Variants in SLC35F6 observed in about 807,000 individuals in gnomAD.
SLC35F6 encodes the protein ANT2-binding protein.
In SLC35F6, 26 loss-of-function variants were observed where a neutral mutation model predicts 29.4. The observed-to-expected ratio is 0.89, with a 90% CI of 0.65 to 1.23. The LOEUF (loss-of-function observed/expected upper bound fraction) is 1.23, where lower values mean the gene tolerates loss of function less well. Among genes scored for constraint, SLC35F6 ranks in the 50% most tolerant of loss-of-function variants. The probability of loss-of-function intolerance (pLI) is 0.00; values close to 1 mark genes in which losing one functional copy is unlikely to be tolerated. For synonymous variants in SLC35F6, 174 were observed against 206.6 expected (o/e 0.84, Z 1.35); for missense variants, 428 against 487.8 (o/e 0.88, Z 1.15).
In SLC35F6 at chr2:26,776,439, C is replaced by G. The variant is rs780262515; in HGVS notation, c.603C>G (p.Val201=). The change falls in exon 5 of 6, where the codon GTC becomes GTG. Residue 201 remains valine, a synonymous_variant. Transcript: ENST00000344420. ...AIQMVLEEKF[V]YKHNVHPLRA... ...AGATGGTGCTAGAGGAGAAGTTCGT[C>G]TACAAACACAATGTGCACCCACTGC... 2.5e-6 allele frequency: 4 copies of G among 1,614,068 alleles called. No individual in the cohort carries two copies. In the East Asian group the frequency reaches 8.9e-5, roughly 36 times the overall value.
chr2:26,766,316 G>C (rs1005578360), intron 1 of SLC35F6, among the ~76,000 whole-genome samples: 13 of 152,370 alleles, frequency 8.5e-5, no homozygotes, highest in Admixed American at 2.0e-4. Flanking sequence ...TCACATTTCT[G>C]GCCCGGCGCG....
At chr2:26,777,224 T>G (rs1232687326) in intron 5 of SLC35F6, among the ~76,000 whole-genome samples, 1 of 152,136 alleles carries the variant, frequency 6.6e-6, no homozygotes, top group African/African-American at 2.4e-5. Flanking sequence ...GAGTGCAGTA[T>G]AGGTTTGATG....
At position 26,778,845 on chromosome 2, in the gene SLC35F6, T is replaced by C. The variant is rs77595890; in HGVS notation, c.*334T>C. On this transcript the variant is annotated 3_prime_UTR_variant, in exon 6 of 6. Coordinates refer to ENST00000344420, the MANE Select transcript of SLC35F6 (RefSeq NM_017877.4). The stretch of plus-strand genomic sequence containing the variant: ...TGTATCTGAATCATAAACTAGATTA[T>C]CATAGTTATCTAGTTTATGAGTCAT... 0.015 allele frequency: 4,628 copies of C among 307,542 alleles called. 225 individuals carry two copies. Among genetic ancestry groups the C allele is most frequent in the African/African-American group, 0.092 (4,347 of 47,116 alleles). The allele number at this position is 307,542 out of a possible 1,614,324, so 19.1% of individuals were successfully genotyped here.
In SLC35F6 at chr2:26,775,044, G is replaced by A; in HGVS notation, c.151G>A (p.Ala51Thr). ...EHSFQHPFLQ[A>T]VGMFLGEFSC... ...AGTCCTCGGGTTTTCATCCCTGCAG[G>A]CAGTGGGCATGTTCCTGGGAGAATT... Residue 51 changes from alanine to threonine, a missense_variant and splice_region_variant, in exon 3 of 6, where the codon GCA becomes ACA. By Grantham distance (58) the Ala-to-Thr change is moderately conservative. Transcript: ENST00000344420. This position sits in a 1 kb window ranked among gnomAD's most constrained non-coding sequence, Gnocchi z 4.6. 1 of 1,612,834 alleles carries A rather than the reference G, an allele frequency of 6.2e-7. No homozygotes were observed.
In SLC35F6 at chr2:26,778,743, G is replaced by A; in HGVS notation, c.*232G>A. The A allele has an allele frequency of 1.8e-6, 1 of 540,550 alleles. No individual in the cohort carries two copies. 33.5% of individuals were successfully genotyped at this position (540,550 alleles called of 1,614,324 possible). A position where few individuals can be genotyped will look rare whatever the true frequency, so the allele number is the denominator to read the frequency against. On this transcript the variant is annotated 3_prime_UTR_variant, in exon 6 of 6. Transcript: ENST00000344420. Reference sequence around the variant, plus strand: ...CCCCACAAGCCTGAGTGCAGTGGCAGACCTCAGCTCTCTGGACCCCTCCTA... The same window carrying A: ...CCCCACAAGCCTGAGTGCAGTGGCAAACCTCAGCTCTCTGGACCCCTCCTA...
chr2:26,768,473 T>C (rs1345666016), intron 1 of SLC35F6, among the ~76,000 whole-genome samples: 1 of 151,246 alleles, frequency 6.6e-6, no homozygotes, highest in Non-Finnish European at 1.5e-5. Context: ...CGCATTCTCA[T>C]GCCTCAGCCT....
chr2:26,765,802 C>G (rs1664087238), intron 1 of SLC35F6, among the ~76,000 whole-genome samples: 2 of 152,204 alleles, frequency 1.3e-5, no homozygotes, highest in African/African-American at 4.8e-5. Context: ...CATGCTGAAT[C>G]CTTAGCTGTT....
Position 26,778,218 on chromosome 2 carries a change from T to TTCTTCAAC in SLC35F6, c.825_832dup (p.Phe278SerfsTer13). ...GCTGGGCAACATCAGCAGCATTGCC[T>TTCTTCAAC]TCTTCAACTTCGCAGGCATCAGCGT... On this transcript the variant is annotated frameshift_variant, in exon 6 of 6. Transcript: ENST00000344420. LOFTEE classifies it high-confidence loss of function. The TTCTTCAAC allele has an allele frequency of 6.2e-7, 1 of 1,614,104 alleles. No individual in the cohort carries two copies. The highest frequency in any genetic ancestry group is 8.5e-7 in the Non-Finnish European group (1 of 1,179,998).
At chr2:26,777,322 C>T (rs1168266656) in intron 5 of SLC35F6, among the ~76,000 whole-genome samples, 1 of 152,144 alleles carries the variant, frequency 6.6e-6, no homozygotes, top group African/African-American at 2.4e-5. Flanking sequence ...CTTTAAATGA[C>T]GGAGGAATCA....
rs1464208555 is a variant in SLC35F6, at chr2:26,776,330, C to T, written c.536-42C>T. On this transcript the variant is annotated intron_variant, in intron 4 of 5. Coordinates refer to ENST00000344420, the MANE Select transcript of SLC35F6 (RefSeq NM_017877.4). ...GCCATGCTCTCCTGGCCCCCAGCCCCAGTGCAGCCCTGTTCTCATCTGGGT... is the reference window on the plus strand; with the variant it reads ...GCCATGCTCTCCTGGCCCCCAGCCCTAGTGCAGCCCTGTTCTCATCTGGGT... 5 of 1,589,692 alleles carry T rather than the reference C, an allele frequency of 3.1e-6. No homozygotes were observed. In the South Asian group the frequency reaches 4.4e-5, roughly 14 times the overall value.
rs769476161 is a variant in SLC35F6, at chr2:26,775,026, G to A, written c.151-18G>A. ...GATCCCTTCCAGCTCTGAAGTCCTC[G>A]GGTTTTCATCCCTGCAGGCAGTGGG... On this transcript the variant is annotated intron_variant, in intron 2 of 5. Transcript: ENST00000344420. The surrounding 1 kb of genome is among the most constrained non-coding windows in gnomAD (Gnocchi z 4.6). 21 of 1,602,664 alleles carry A rather than the reference G, an allele frequency of 1.3e-5. No individual in the cohort carries two copies. The highest frequency in any genetic ancestry group is 2.2e-5 in the East Asian group (1 of 44,554).
At position 26,778,412 on chromosome 2, in the gene SLC35F6, G is replaced by A. The variant is rs1445265310; in HGVS notation, c.1017G>A (p.Pro339=). 6.8e-6 allele frequency: 11 copies of A among 1,613,954 alleles called. No homozygotes were observed. The highest frequency in any genetic ancestry group is 3.3e-5 in the Admixed American group (2 of 59,996). Residue 339 remains proline (P), a synonymous_variant, in exon 6 of 6, where the codon CCG becomes CCA. Transcript: ENST00000344420. ...CCCTCTACAATGGGCTACACCGTCC[G>A]CTGCTGGGCCGCCTGTCCAGGGGCC... ...GTALYNGLHR[P]LLGRLSRGRP... is the part of the protein sequence containing the mutation.
chr2:26,774,444 G>A (rs1332161749), intron 2 of SLC35F6, 121 bp downstream of exon 2: 3 of 1,050,460 alleles, frequency 2.9e-6, no homozygotes, highest in East Asian at 5.1e-5. Flanking sequence ...TCCCAGAAGA[G>A]CCATCCACTT....
intron 4 of SLC35F6, among the ~76,000 whole-genome samples, chr2:26,776,105 C>G (rs1664295510): frequency 6.6e-6 from 1 of 152,214 alleles, no homozygotes; most frequent in South Asian, 2.1e-4. Context: ...ATGTCTATCT[C>G]AAAGCCTGTT....
intron 2 of SLC35F6, 149 bp from the exon 3 acceptor site, chr2:26,774,895 C>A: frequency 1.1e-6 from 1 of 944,118 alleles, no homozygotes; most frequent in Non-Finnish European, 1.5e-6. Context: ...CTGTCTCTAG[C>A]CTCCATGGCA....
intron 1 of SLC35F6, among the ~76,000 whole-genome samples, chr2:26,764,627 G>A (rs1664061713): frequency 6.6e-6 from 1 of 152,248 alleles, no homozygotes; most frequent in Admixed American, 6.5e-5. Context: ...GGGGATCCGA[G>A]CCCCGGCTTT....
Position 26,775,375 on chromosome 2 carries a change from G to C in SLC35F6, c.323-89G>C. On this transcript the variant is annotated intron_variant, in intron 3 of 5. Coordinates refer to ENST00000344420, the MANE Select transcript of SLC35F6 (RefSeq NM_017877.4). The surrounding 1 kb of genome is among the most constrained non-coding windows in gnomAD (Gnocchi z 4.6). Reference sequence around the variant, plus strand: ...GCAGGACTGATCGAGCGCTTACTATGAGCTTGGCATGTCTATCACCAAAGA... The same window carrying C: ...GCAGGACTGATCGAGCGCTTACTATCAGCTTGGCATGTCTATCACCAAAGA... 6.5e-7 allele frequency: 1 copy of C among 1,538,110 alleles called. No homozygotes were observed. Among genetic ancestry groups the C allele is most frequent in the Non-Finnish European group, 8.8e-7 (1 of 1,137,746 alleles).
rs2148052970 is a variant in SLC35F6, at chr2:26,764,313, G to A, written c.-37G>A. Reference sequence around the variant, plus strand: ...AGGAGACCCCGGGTGACGGGGCCCGGCGCCGCTAACTGGAGCGAACCCCAG... The same window carrying A: ...AGGAGACCCCGGGTGACGGGGCCCGACGCCGCTAACTGGAGCGAACCCCAG... On this transcript the variant is annotated 5_prime_UTR_variant, in exon 1 of 6. Transcript: ENST00000344420. 1 of 1,547,002 alleles carries A rather than the reference G, an allele frequency of 6.5e-7. No individual in the cohort carries two copies. The highest frequency in any genetic ancestry group is 8.7e-7 in the Non-Finnish European group (1 of 1,145,346).
At chr2:26,765,313 G>A (rs1340776709) in intron 1 of SLC35F6, among the ~76,000 whole-genome samples, 1 of 152,184 alleles carries the variant, frequency 6.6e-6, no homozygotes, top group Non-Finnish European at 1.5e-5. Context: ...GGCCAGTTCA[G>A]CTCTGATGTA....
Sources: allele counts gnomAD v4.1 joint callset (sites outside exome capture counted in the v4.1 genomes callset), GRCh38; gene constraint gnomAD v4.1.1; non-coding constraint Gnocchi (gnomAD v3.1); transcripts MANE v1.5; gene names NCBI Gene and HGNC (gene_info 2026-07-23, HGNC 2026-07-21).